The following PPM1E variants were observed in gnomAD, a reference collection of about 807,000 sequenced individuals.
The protein encoded by PPM1E is protein phosphatase, Mg2+/Mn2+ dependent 1E, also known as protein phosphatase 1E.
Under a neutral mutation model 65.9 loss-of-function variants are expected in PPM1E, and 20 were observed. The ratio of observed to expected loss-of-function variants is 0.30; its 90% CI spans 0.21 to 0.44. PPM1E has a LOEUF of 0.44. Ranked by LOEUF, PPM1E falls within the 20% of genes least tolerant of loss-of-function variation. The pLI is 1.00. For synonymous variants in PPM1E, 352 were observed against 374.9 expected, an observed-to-expected ratio of 0.94 and a Z score of 0.70; for missense variants, 713 against 953.1, an observed-to-expected ratio of 0.75 and a Z score of 3.32.
At chr17:58,850,896 C>T (rs950797432) in intron 1 of PPM1E, among the ~76,000 whole-genome samples, 13 of 152,210 alleles carry the variant, frequency 8.5e-5, no homozygotes, top group East Asian at 1.9e-4. Context: ...CCATTCTCCC[C>T]GTCACTTTCA....
At chr17:58,876,929 A>G (rs900713343) in intron 1 of PPM1E, among the ~76,000 whole-genome samples, 1 of 151,642 alleles carries the variant, frequency 6.6e-6, no homozygotes, top group Non-Finnish European at 1.5e-5. Flanking sequence ...GACTACAGGC[A>G]CCCGCCACCA....
Position 58,786,770 on chromosome 17 carries a change from T to C in PPM1E, c.464+30309T>C, listed in dbSNP as rs144173593. 7.0e-3 allele frequency among the ~76,000 whole-genome samples: 1,073 copies of C among 152,358 alleles called. 13 individuals are homozygous for C. The highest frequency in any genetic ancestry group is 0.024 in the African/African-American group (990 of 41,588). On this transcript the variant is annotated intron_variant, in intron 1 of 6. Transcript: ENST00000308249. ...GTTACACAACTTCCATATTATTGTT[T>C]TTGTTGTTGCCTAATGTTCATCTGC...
At chr17:58,772,738 C>T (rs1419390664) in intron 1 of PPM1E, among the ~76,000 whole-genome samples, 2 of 152,064 alleles carry the variant, frequency 1.3e-5, no homozygotes, top group Non-Finnish European at 2.9e-5. Flanking sequence ...CAGAGAATGA[C>T]CTGAAAGTCA....
In PPM1E at chr17:58,839,333, A is replaced by AT. The variant is rs112102304; in HGVS notation, c.464+82879dup. Among the ~76,000 whole-genome samples, 1,407 of 151,978 alleles carry AT rather than the reference A, an allele frequency of 9.3e-3. 26 individuals are homozygous for AT. The highest frequency in any genetic ancestry group is 0.031 in the African/African-American group (1,301 of 41,412). On this transcript the variant is annotated intron_variant, in intron 1 of 6. Transcript: ENST00000308249. ...CAAGACCTTGTCTCTAAAAAAAAAA[A>AT]TTTTTTTAAGGAAAAAATAATATAA...
intron 1 of PPM1E, among the ~76,000 whole-genome samples, chr17:58,924,740 C>A (rs374441400): frequency 2.0e-5 from 3 of 149,858 alleles, no homozygotes; most frequent in Non-Finnish European, 4.4e-5. Context: ...CCCCCACCCC[C>A]CAACTGGCCC....
Position 58,755,955 on chromosome 17 carries a change from T to G in PPM1E, c.-43T>G, listed in dbSNP as rs1192107344. On this transcript the variant is annotated 5_prime_UTR_variant, in exon 1 of 7. Transcript: ENST00000308249. ...AGCAGCCCCTTACCCTTCCTGGGCT[T>G]CCCCCAACCCCTTTCCCGGTCTGCC... 1 of 1,612,222 alleles carries G rather than the reference T, an allele frequency of 6.2e-7. No individual in the cohort carries two copies. The highest frequency in any genetic ancestry group is 2.2e-5 in the East Asian group (1 of 44,840).
At chr17:58,846,152 T>C (rs544636117) in intron 1 of PPM1E, among the ~76,000 whole-genome samples, 10 of 152,328 alleles carry the variant, frequency 6.6e-5, no homozygotes, top group Admixed American at 2.0e-4. Context: ...AGTATCTCTT[T>C]GGGACCCAAT....
At chr17:58,877,402 G>T (rs957621710) in intron 1 of PPM1E, among the ~76,000 whole-genome samples, 1 of 152,092 alleles carries the variant, frequency 6.6e-6, no homozygotes, top group Non-Finnish European at 1.5e-5. Flanking sequence ...AAATTTATCA[G>T]TTCCCCGCCA....
chr17:58,864,799 G>A (rs1166129415), intron 1 of PPM1E, among the ~76,000 whole-genome samples: 1 of 152,042 alleles, frequency 6.6e-6, no homozygotes, highest in Non-Finnish European at 1.5e-5. Context: ...AGCCGGGTGT[G>A]GTGGCAGGCG....
At position 58,983,017 on chromosome 17, in the gene PPM1E, ATTG is replaced by A. The variant is rs2031457536; in HGVS notation, c.*1991_*1993del. ...AAAAAAAAAGCTTTTTAAAATTTCT[ATTG>A]TTGTCTATTGGTAATGTTTTTGATC... On this transcript the variant is annotated 3_prime_UTR_variant, in exon 7 of 7. Transcript: ENST00000308249. The A allele has an allele frequency of 2.7e-6, 3 of 1,093,298 alleles. No homozygotes were observed. The highest frequency in any genetic ancestry group is 3.2e-5 in the African/African-American group (2 of 62,870). The allele number at this position is 1,093,298 out of a possible 1,614,324, so 67.7% of individuals were successfully genotyped here.
intron 1 of PPM1E, among the ~76,000 whole-genome samples, chr17:58,802,249 G>A (rs1450831466): frequency 1.3e-5 from 2 of 152,080 alleles, no homozygotes; most frequent in Non-Finnish European, 2.9e-5. Flanking sequence ...TTTTTGAATA[G>A]GGATATCCAG....
intron 1 of PPM1E, among the ~76,000 whole-genome samples, chr17:58,921,506 A>G (rs560352601): frequency 6.6e-6 from 1 of 151,660 alleles, no homozygotes; most frequent in Admixed American, 6.6e-5. Context: ...CAGCATAGTG[A>G]GACTCCATCT....
At chr17:58,771,049 G>A (rs1204916974) in intron 1 of PPM1E, among the ~76,000 whole-genome samples, 1 of 151,694 alleles carries the variant, frequency 6.6e-6, no homozygotes, top group Non-Finnish European at 1.5e-5. Context: ...TAGAGATGGG[G>A]TTTCACCATG....
intron 1 of PPM1E, among the ~76,000 whole-genome samples, chr17:58,811,852 G>A (rs1050271070): frequency 2.6e-5 from 4 of 151,974 alleles, no homozygotes; most frequent in East Asian, 1.9e-4. Flanking sequence ...TGTATTTTTA[G>A]TAGAGACAGG....
chr17:58,805,071 T>A (rs1049227976), intron 1 of PPM1E, among the ~76,000 whole-genome samples: 4 of 152,116 alleles, frequency 2.6e-5, no homozygotes, highest in Non-Finnish European at 5.9e-5. Flanking sequence ...TCATCCTACT[T>A]TCTACCTCCC....
chr17:58,804,701 A>G (rs1598581407), intron 1 of PPM1E, among the ~76,000 whole-genome samples: 1 of 152,048 alleles, frequency 6.6e-6, no homozygotes. Context: ...TTTAAAATAT[A>G]CTCTGTTACA....
intron 1 of PPM1E, among the ~76,000 whole-genome samples, chr17:58,821,399 C>T (rs1039313338): frequency 1.3e-5 from 2 of 152,140 alleles, no homozygotes; most frequent in South Asian, 2.1e-4. Context: ...CGTGAGCCAC[C>T]GCGCCCGGCC....
chr17:58,864,722 G>A (rs2050980468), intron 1 of PPM1E, among the ~76,000 whole-genome samples: 1 of 151,674 alleles, frequency 6.6e-6, no homozygotes, highest in South Asian at 2.1e-4. Context: ...TGGATCAGGA[G>A]GTCAGGTGTT....
At chr17:58,889,950 A>G (rs971453240) in intron 1 of PPM1E, among the ~76,000 whole-genome samples, 20 of 152,248 alleles carry the variant, frequency 1.3e-4, no homozygotes, top group African/African-American at 4.6e-4. Context: ...CAAAGTAATC[A>G]GTGGTTTCTA....
Sources: gnomAD v4.1 joint callset for allele counts (sites outside exome capture counted in the v4.1 genomes callset) on GRCh38, gnomAD v4.1.1 for gene constraint, MANE v1.5 for transcripts, NCBI Gene and HGNC (gene_info 2026-07-23, HGNC 2026-07-21) for gene names.